The following ZNF385D variants were observed in gnomAD, a reference collection of about 807,000 sequenced individuals.
The protein encoded by ZNF385D is zinc finger protein 385D.
In ZNF385D, 15 loss-of-function variants were observed where a neutral mutation model predicts 35.8. The observed-to-expected ratio is 0.42, with a 90% CI of 0.28 to 0.64. The LOEUF (loss-of-function observed/expected upper bound fraction) is 0.64, where lower values mean the gene tolerates loss of function less well. Among genes scored for constraint, ZNF385D ranks in the 30% least tolerant of loss-of-function variants. The pLI, the probability that ZNF385D is intolerant of heterozygous loss-of-function variation, is 0.23. For missense variants in ZNF385D, 474 were observed against 494.6 expected, an observed-to-expected ratio of 0.96 and a Z score of 0.39; for synonymous variants, 212 against 186.8, an observed-to-expected ratio of 1.13 and a Z score of -1.10.
chr3:22,269,460 C>A (rs1371925578), intron 2 of ZNF385D, among the ~76,000 whole-genome samples: 4 of 151,914 alleles, frequency 2.6e-5, no homozygotes, highest in Non-Finnish European at 1.5e-5. Context: ...AAATGCATAT[C>A]TTTCCAGGGC....
chr3:22,180,525 A>C (rs1349170729), intron 2 of ZNF385D, among the ~76,000 whole-genome samples: 1 of 152,202 alleles, frequency 6.6e-6, no homozygotes, highest in East Asian at 1.9e-4. Flanking sequence ...ACATCGATGC[A>C]AAAATCCTCA....
chr3:21,869,087 A>T (rs887746499), intron 3 of ZNF385D, among the ~76,000 whole-genome samples: 1 of 152,096 alleles, frequency 6.6e-6, no homozygotes, highest in Non-Finnish European at 1.5e-5. Context: ...TCCCTTCTAC[A>T]AAAGTTGTAT....
intron 2 of ZNF385D, among the ~76,000 whole-genome samples, chr3:21,623,265 A>C (rs770589624): frequency 2.6e-5 from 4 of 152,106 alleles, no homozygotes; most frequent in Non-Finnish European, 5.9e-5. Context: ...ACAAGCTCCT[A>C]TTTTATCGTA....
At chr3:22,118,835 C>A (rs144462655) in intron 3 of ZNF385D, among the ~76,000 whole-genome samples, 404 of 152,220 alleles carry the variant, frequency 2.7e-3, no homozygotes, top group Non-Finnish European at 4.3e-3. Context: ...TAATTCATTT[C>A]ATACATACAA....
chr3:22,076,879 G>A (rs1700491604), intron 3 of ZNF385D, among the ~76,000 whole-genome samples: 1 of 151,810 alleles, frequency 6.6e-6, no homozygotes, highest in Non-Finnish European at 1.5e-5. Flanking sequence ...ATGACTGTAA[G>A]TAATTACAGA....
At chr3:21,596,069 G>A (rs923480920) in intron 2 of ZNF385D, among the ~76,000 whole-genome samples, 4 of 152,150 alleles carry the variant, frequency 2.6e-5, no homozygotes, top group Non-Finnish European at 5.9e-5. Context: ...TAACAGCTTT[G>A]TCTGAAGCAT....
chr3:21,990,293 T>C (rs1157030191), intron 3 of ZNF385D, among the ~76,000 whole-genome samples: 1 of 152,216 alleles, frequency 6.6e-6, no homozygotes, highest in Admixed American at 6.5e-5. Flanking sequence ...TGATGACATC[T>C]AGCAAAGCCT....
At chr3:22,289,549 T>C (rs1035816598) in intron 2 of ZNF385D, among the ~76,000 whole-genome samples, 1 of 152,154 alleles carries the variant, frequency 6.6e-6, no homozygotes, top group African/African-American at 2.4e-5. Flanking sequence ...AAACTGGGCA[T>C]GCAAGCCTCT....
chr3:22,196,374 T>G (rs549670804), intron 2 of ZNF385D, among the ~76,000 whole-genome samples: 1 of 152,220 alleles, frequency 6.6e-6, no homozygotes, highest in South Asian at 2.1e-4. Context: ...TTTGCAACAA[T>G]AGAAGTAGGA....
At chr3:21,589,049 CAAT>C (rs1290830960) in intron 2 of ZNF385D, among the ~76,000 whole-genome samples, 1 of 151,750 alleles carries the variant, frequency 6.6e-6, no homozygotes, top group Admixed American at 6.6e-5. Flanking sequence ...GAGAGAGACA[CAAT>C]AAGATAAATA....
At chr3:21,779,565 G>A (rs1376516913) in intron 3 of ZNF385D, among the ~76,000 whole-genome samples, 6 of 151,920 alleles carry the variant, frequency 3.9e-5, no homozygotes, top group Non-Finnish European at 5.9e-5. Flanking sequence ...TACAATAGGT[G>A]TTTCTGAACA....
intron 3 of ZNF385D, among the ~76,000 whole-genome samples, chr3:21,988,754 G>A (rs1304779522): frequency 1.6e-4 from 25 of 151,698 alleles, no homozygotes; most frequent in African/African-American, 1.9e-4. Flanking sequence ...AATGGCGGGC[G>A]CCCCTCCCCC....
chr3:22,188,681 A>T (rs1275615587), intron 2 of ZNF385D, among the ~76,000 whole-genome samples: 2 of 151,994 alleles, frequency 1.3e-5, no homozygotes, highest in East Asian at 3.9e-4. Context: ...CGATCTCCTG[A>T]CTTTGTGATC....
intron 2 of ZNF385D, chr3:21,580,022 A>G (rs970111489): frequency 2.6e-5 from 4 of 152,116 alleles, no homozygotes; most frequent in African/African-American, 9.7e-5. Flanking sequence ...GAAGGGCACA[A>G]TTCAACTTAA....
chr3:22,294,490 A>G (rs1702466451), intron 2 of ZNF385D, among the ~76,000 whole-genome samples: 1 of 152,132 alleles, frequency 6.6e-6, no homozygotes, highest in Non-Finnish European at 1.5e-5. Flanking sequence ...GGTATTATAT[A>G]TCAGTATGTA....
intron 2 of ZNF385D, among the ~76,000 whole-genome samples, chr3:21,571,358 A>G (rs1448485404): frequency 1.3e-5 from 2 of 152,158 alleles, no homozygotes; most frequent in East Asian, 3.9e-4. Context: ...CTACTGTTGA[A>G]TAGTTGGGTT....
intron 2 of ZNF385D, among the ~76,000 whole-genome samples, chr3:22,190,848 T>C (rs966724252): frequency 6.6e-6 from 1 of 152,082 alleles, no homozygotes; most frequent in African/African-American, 2.4e-5. Flanking sequence ...TTTAATCTAG[T>C]TTAACATGAT....
intron 2 of ZNF385D, among the ~76,000 whole-genome samples, chr3:22,350,833 T>C (rs1463182125): frequency 6.6e-6 from 1 of 152,124 alleles, no homozygotes; most frequent in Non-Finnish European, 1.5e-5. Flanking sequence ...AAGATACTGT[T>C]AATAAGCACC....
chr3:21,894,368 A>G (rs543956005), intron 3 of ZNF385D, among the ~76,000 whole-genome samples: 27 of 152,310 alleles, frequency 1.8e-4, no homozygotes, highest in African/African-American at 6.5e-4. Flanking sequence ...TTAAAATATT[A>G]TATTGGCATA....
Sources: allele counts gnomAD v4.1 joint callset (sites outside exome capture counted in the v4.1 genomes callset), GRCh38; gene constraint gnomAD v4.1.1; transcripts MANE v1.5; gene names NCBI Gene and HGNC (gene_info 2026-07-23, HGNC 2026-07-21).